LRRFIP2: variants seen among roughly 807,000 people sequenced by gnomAD.
LRRFIP2 encodes the protein LRR binding FLII interacting protein 2, also known as leucine-rich repeat flightless-interacting protein 2.
A neutral mutation model predicts 125.9 loss-of-function variants in LRRFIP2; 109 were observed. That is an observed-to-expected ratio of 0.87 (90% CI 0.74 to 1.01). The LOEUF (loss-of-function observed/expected upper bound fraction) is 1.01. LRRFIP2 is among the 50% of genes least tolerant of loss of function. The probability of loss-of-function intolerance (pLI) is 0.00; values close to 1 mark genes in which losing one functional copy is unlikely to be tolerated. For synonymous variants in LRRFIP2, 291 were observed against 293.1 expected (o/e 0.99, Z 0.07); for missense variants, 850 against 862.3 (o/e 0.99, Z 0.18).
intron 1 of LRRFIP2, among the ~76,000 whole-genome samples, chr3:37,163,262 A>C (rs565876176): frequency 6.6e-6 from 1 of 152,358 alleles, no homozygotes; most frequent in South Asian, 2.1e-4. Context: ...TTTCCAAAAC[A>C]AAATGATATA....
At chr3:37,156,336 T>G (rs1176712591) in intron 1 of LRRFIP2, among the ~76,000 whole-genome samples, 3 of 151,900 alleles carry the variant, frequency 2.0e-5, no homozygotes, top group African/African-American at 4.8e-5. Context: ...TTTTTTTAAT[T>G]TTTTATAATA....
In LRRFIP2 at chr3:37,053,552, C is replaced by A. The variant is rs1221477671; in HGVS notation, c.*299G>T. On this transcript the variant is annotated 3_prime_UTR_variant, in exon 28 of 28. Coordinates refer to ENST00000336686, the MANE Select transcript of LRRFIP2 (RefSeq NM_006309.4). ...AACCCGTGCCAAGGCCTCCGAGTGC[C>A]CAGTTACTGAGGCAGCTGGGGAAAA... 1.8e-5 allele frequency: 6 copies of A among 325,366 alleles called. No homozygotes were observed. The highest frequency in any genetic ancestry group is 3.5e-5 in the Non-Finnish European group (6 of 171,368). The allele number at this position is 325,366 out of a possible 1,614,324, so 20.2% of individuals were successfully genotyped here. A position where few individuals can be genotyped will look rare whatever the true frequency, so the allele number is the denominator to read the frequency against.
chr3:37,085,166 CA>C (rs1576321453), intron 18 of LRRFIP2, among the ~76,000 whole-genome samples: 1 of 152,108 alleles, frequency 6.6e-6, no homozygotes, highest in East Asian at 1.9e-4. Context: ...AAAATATGGA[CA>C]AATCTTCATG....
rs878901676 is a variant in LRRFIP2, at chr3:37,074,876, G to A, written c.1371+148C>T. 9 of 564,250 alleles carry A rather than the reference G, an allele frequency of 1.6e-5. No homozygotes were observed. The South Asian group carries it at 2.0e-4, about 12-fold the overall frequency. The allele number at this position is 564,250 out of a possible 1,614,324, so 35.0% of individuals were successfully genotyped here. On this transcript the variant is annotated intron_variant, in intron 20 of 27. Coordinates refer to ENST00000336686, the MANE Select transcript of LRRFIP2 (RefSeq NM_006309.4). Reference sequence around the variant, plus strand: ...TAGTATTAATTTTTAAGCATAATCTGGTTTATGTTTGAAAATTTGTAGTGT... The same window carrying A: ...TAGTATTAATTTTTAAGCATAATCTAGTTTATGTTTGAAAATTTGTAGTGT...
chr3:37,134,398 G>A (rs755048012), intron 2 of LRRFIP2, among the ~76,000 whole-genome samples: 6 of 152,188 alleles, frequency 3.9e-5, no homozygotes, highest in African/African-American at 1.4e-4. Flanking sequence ...ACTGCATCTC[G>A]CAAGAATTTG....
intron 1 of LRRFIP2, chr3:37,173,167 C>A (rs1438208180): frequency 3.3e-5 from 5 of 152,162 alleles, no homozygotes; most frequent in African/African-American, 1.2e-4. Context: ...CACTGCACTC[C>A]AGCCTGGGCG....
At chr3:37,072,327 C>T (rs2091341287) in intron 21 of LRRFIP2, among the ~76,000 whole-genome samples, 1 of 151,786 alleles carries the variant, frequency 6.6e-6, no homozygotes, top group African/African-American at 2.4e-5. Context: ...ATGGTGAAAC[C>T]CCGTCTCTAA....
At chr3:37,162,155 C>CAAAAAAAAAAAAAAA (rs71091697) in intron 1 of LRRFIP2, among the ~76,000 whole-genome samples, 1 of 74,006 alleles carries the variant, frequency 1.4e-5, no homozygotes, top group Non-Finnish European at 2.4e-5. Context: ...GACCCTGTCT[C>CAAAAAAAAAAAAAAA]AAAAAAAAAA....
rs146997502 is a variant in LRRFIP2 at position 37,060,290 on chromosome 3, T to TTTTTG, written c.1750-1385_1750-1381dup. ...GCTTCTGCAGCTCTCTCAAACACTGTTTTTGTTTTGTTTTGTTTTGTTTTG... is the reference window on the plus strand; with the variant it reads ...GCTTCTGCAGCTCTCTCAAACACTGTTTTTGTTTTGTTTTGTTTTGTTTTGTTTTG... On this transcript the variant is annotated intron_variant, in intron 24 of 27. Coordinates refer to ENST00000336686, the MANE Select transcript of LRRFIP2 (RefSeq NM_006309.4). This position sits in a 1 kb window ranked among gnomAD's most constrained non-coding sequence, Gnocchi z 4.1. 0.1 allele frequency among the ~76,000 whole-genome samples: 15,157 copies of TTTTTG among 151,780 alleles called. 992 individuals are homozygous for TTTTTG. The highest frequency in any genetic ancestry group is 0.16 in the Admixed American group (2,419 of 15,200).
intron 2 of LRRFIP2, among the ~76,000 whole-genome samples, chr3:37,131,828 A>G (rs1349362268): frequency 6.6e-6 from 1 of 152,228 alleles, no homozygotes; most frequent in African/African-American, 2.4e-5. Context: ...TGTAGGAGGG[A>G]GAAATTAGTT....
At chr3:37,092,972 G>A (rs1275943183) in intron 17 of LRRFIP2, among the ~76,000 whole-genome samples, 1 of 152,104 alleles carries the variant, frequency 6.6e-6, no homozygotes, top group African/African-American at 2.4e-5. Flanking sequence ...CCAAGTAGCT[G>A]TGATTACAGG....
chr3:37,084,525 G>C (rs1191531002), intron 18 of LRRFIP2, among the ~76,000 whole-genome samples: 1 of 151,984 alleles, frequency 6.6e-6, no homozygotes, highest in Non-Finnish European at 1.5e-5. Flanking sequence ...AAATTAGCCA[G>C]ACACAGTGGC....
intron 1 of LRRFIP2, among the ~76,000 whole-genome samples, chr3:37,165,186 G>C (rs528448207): frequency 1.3e-5 from 2 of 150,678 alleles, no homozygotes; most frequent in African/African-American, 2.4e-5. Flanking sequence ...AGTGAGCCGA[G>C]ACTGCACCAC....
At chr3:37,056,439 T>C (rs765920225) in intron 25 of LRRFIP2, among the ~76,000 whole-genome samples, 1 of 150,846 alleles carries the variant, frequency 6.6e-6, no homozygotes, top group Non-Finnish European at 1.5e-5. Flanking sequence ...TTATACAGTC[T>C]TCAATGTGAG....
At chr3:37,150,324 T>C (rs1176155842) in intron 1 of LRRFIP2, among the ~76,000 whole-genome samples, 2 of 152,054 alleles carry the variant, frequency 1.3e-5, no homozygotes, top group African/African-American at 4.8e-5. Flanking sequence ...TAGCAGGACA[T>C]GGTGGTGCAT....
At chr3:37,109,600 A>C (rs764013243) in intron 10 of LRRFIP2, 29 bp from the exon 11 acceptor site, 69 of 1,613,526 alleles carry the variant, frequency 4.3e-5, no homozygotes, top group East Asian at 1.8e-4. Context: ...ATTAAACCCC[A>C]AAAAAAGCAA....
At chr3:37,163,559 A>G (rs2096400521) in intron 1 of LRRFIP2, among the ~76,000 whole-genome samples, 1 of 152,194 alleles carries the variant, frequency 6.6e-6, no homozygotes, top group Non-Finnish European at 1.5e-5. Context: ...GAGTCCCTCA[A>G]TGACTCTGTG....
Position 37,053,441 on chromosome 3 carries a change from T to C in LRRFIP2, c.*410A>G, listed in dbSNP as rs2085982147. The C allele has an allele frequency of 6.0e-6, 1 of 166,670 alleles. No individual in the cohort carries two copies. The highest frequency in any genetic ancestry group is 5.9e-5 in the Admixed American group (1 of 17,024). The allele number at this position is 166,670 out of a possible 1,614,324, so 10.3% of individuals were successfully genotyped here. The stretch of plus-strand genomic sequence containing the variant: ...CACTGGAGATCACTGAAGTCTGAAT[T>C]GCACCGTGGAGAAGGCACTTGTGTT... On this transcript the variant is annotated 3_prime_UTR_variant, in exon 28 of 28. Coordinates refer to ENST00000336686, the MANE Select transcript of LRRFIP2 (RefSeq NM_006309.4).
intron 17 of LRRFIP2, among the ~76,000 whole-genome samples, 164 bp downstream of exon 17, chr3:37,094,628 T>C (rs1170971220): frequency 1.3e-5 from 2 of 150,686 alleles, no homozygotes; most frequent in Non-Finnish European, 2.9e-5. Context: ...ATCTCCTTCC[T>C]TTCAAGCTCT....
Sources: gnomAD v4.1 joint callset for allele counts (sites outside exome capture counted in the v4.1 genomes callset) on GRCh38, gnomAD v4.1.1 for gene constraint, Gnocchi (gnomAD v3.1) non-coding constraint, MANE v1.5 for transcripts, NCBI Gene and HGNC (gene_info 2026-07-23, HGNC 2026-07-21) for gene names.